Variants in PTPRD observed in about 807,000 individuals in gnomAD.
PTPRD encodes the protein protein tyrosine phosphatase receptor type D.
In PTPRD, 34 loss-of-function variants were observed where a neutral mutation model predicts 214.5. The observed-to-expected ratio is 0.16, with a 90% CI of 0.12 to 0.21. PTPRD has a LOEUF of 0.21. Among genes scored for constraint, PTPRD ranks in the 10% least tolerant of loss-of-function variants. The probability of loss-of-function intolerance (pLI) is 1.00; values close to 1 mark genes in which losing one functional copy is unlikely to be tolerated. For missense variants in PTPRD, 2,545 were observed against 2,398.7 expected (o/e 1.06, Z -1.27); for synonymous variants, 1,128 against 845.7 (o/e 1.33, Z -5.79).
chr9:8,763,540 T>A (rs892060138), intron 11 of PTPRD, among the ~76,000 whole-genome samples: 2 of 151,466 alleles, frequency 1.3e-5, no homozygotes, highest in African/African-American at 4.8e-5. Flanking sequence ...AATTATGTAT[T>A]AATATAACAT....
At chr9:9,407,383 G>A (rs2073869888) in intron 8 of PTPRD, among the ~76,000 whole-genome samples, 1 of 151,578 alleles carries the variant, frequency 6.6e-6, no homozygotes, top group East Asian at 1.9e-4. Context: ...TATAAATAAT[G>A]GTTCTATAAA....
chr9:9,634,450 T>G (rs2095689941), intron 7 of PTPRD, among the ~76,000 whole-genome samples: 1 of 152,154 alleles, frequency 6.6e-6, no homozygotes. Flanking sequence ...AAATATAATT[T>G]ATACAATCCA....
At chr9:9,958,436 C>T (rs1053041738) in intron 4 of PTPRD, among the ~76,000 whole-genome samples, 2 of 152,124 alleles carry the variant, frequency 1.3e-5, no homozygotes, top group African/African-American at 4.8e-5. Flanking sequence ...GAGACTGAGG[C>T]AGGAGAATTG....
At chr9:8,568,925 G>A (rs1224737040) in intron 14 of PTPRD, among the ~76,000 whole-genome samples, 1 of 151,618 alleles carries the variant, frequency 6.6e-6, no homozygotes, top group East Asian at 1.9e-4. Context: ...CAAATCTAAT[G>A]CTTCATATGC....
At chr9:10,365,530 T>C (rs1480983185) in intron 2 of PTPRD, among the ~76,000 whole-genome samples, 1 of 152,206 alleles carries the variant, frequency 6.6e-6, no homozygotes. Flanking sequence ...TATTTTCCTA[T>C]TTCCTCAAGT....
chr9:8,813,636 G>C (rs1343296112), intron 11 of PTPRD, among the ~76,000 whole-genome samples: 1 of 152,188 alleles, frequency 6.6e-6, no homozygotes, highest in Non-Finnish European at 1.5e-5. Context: ...GCCTCCTGCA[G>C]TGCTGGGATT....
chr9:8,881,605 G>A (rs2098446831), intron 11 of PTPRD, among the ~76,000 whole-genome samples: 2 of 152,122 alleles, frequency 1.3e-5, no homozygotes, highest in South Asian at 2.1e-4. Context: ...ATAATTCAAC[G>A]TACGTGTTTT....
At chr9:9,676,758 C>G (rs965169123) in intron 7 of PTPRD, among the ~76,000 whole-genome samples, 12 of 152,088 alleles carry the variant, frequency 7.9e-5, no homozygotes, top group African/African-American at 2.9e-4. Context: ...TAAAAGTGTT[C>G]CTATTTCTCC....
chr9:9,500,289 G>C (rs570578694), intron 8 of PTPRD, among the ~76,000 whole-genome samples: 1 of 152,196 alleles, frequency 6.6e-6, no homozygotes, highest in East Asian at 1.9e-4. Context: ...CAATAAAGTA[G>C]CACACAACAT....
intron 8 of PTPRD, among the ~76,000 whole-genome samples, chr9:9,506,205 T>A (rs1005465485): frequency 1.3e-5 from 2 of 151,438 alleles, no homozygotes; most frequent in African/African-American, 4.8e-5. Flanking sequence ...GCAACCTATA[T>A]AACTGTCTCC....
chr9:9,834,236 C>G (rs1340084947), intron 5 of PTPRD, among the ~76,000 whole-genome samples: 5 of 152,060 alleles, frequency 3.3e-5, no homozygotes, highest in African/African-American at 9.7e-5. Flanking sequence ...CTTCCCACAA[C>G]AGGGTTCTAA....
At chr9:9,642,460 T>C (rs2095999566) in intron 7 of PTPRD, among the ~76,000 whole-genome samples, 1 of 152,212 alleles carries the variant, frequency 6.6e-6, no homozygotes, top group East Asian at 1.9e-4. Flanking sequence ...GAATGCATAC[T>C]TTCACCTAGA....
intron 5 of PTPRD, among the ~76,000 whole-genome samples, chr9:9,804,045 G>A (rs2099058252): frequency 6.6e-6 from 1 of 152,044 alleles, no homozygotes. Context: ...TATCAGAAAT[G>A]TAGTGTGTGA....
At chr9:9,050,295 T>C (rs2099682368) in intron 10 of PTPRD, among the ~76,000 whole-genome samples, 1 of 152,184 alleles carries the variant, frequency 6.6e-6, no homozygotes, top group African/African-American at 2.4e-5. Context: ...AAGTATGCAA[T>C]GCAATGAAGG....
chr9:9,019,952 G>C (rs1589915744), intron 10 of PTPRD, among the ~76,000 whole-genome samples: 1 of 152,226 alleles, frequency 6.6e-6, no homozygotes, highest in East Asian at 1.9e-4. Context: ...GCTGAGGCAA[G>C]TGGAGACATT....
intron 14 of PTPRD, among the ~76,000 whole-genome samples, chr9:8,542,680 G>C (rs1269455793): frequency 6.6e-6 from 1 of 152,242 alleles, no homozygotes; most frequent in Admixed American, 6.5e-5. Flanking sequence ...GTGTCTGTCA[G>C]TTGAACACTG....
intron 12 of PTPRD, among the ~76,000 whole-genome samples, chr9:8,655,739 CTTT>C (rs150786854): frequency 1.4e-5 from 2 of 143,120 alleles, no homozygotes; most frequent in South Asian, 4.4e-4. Context: ...TTCCCACTTG[CTTT>C]TTTTTTTTTT....
At chr9:9,499,823 G>C (rs1426476936) in intron 8 of PTPRD, among the ~76,000 whole-genome samples, 1 of 151,984 alleles carries the variant, frequency 6.6e-6, no homozygotes, top group Admixed American at 6.6e-5. Context: ...ATTTGACACT[G>C]TCTCATAAAT....
intron 3 of PTPRD, among the ~76,000 whole-genome samples, chr9:10,268,415 A>C (rs2154380930): frequency 6.6e-6 from 1 of 152,064 alleles, no homozygotes; most frequent in South Asian, 2.1e-4. Context: ...TTATACTAAT[A>C]GTTTTCTTAG....
Sources: gnomAD v4.1 joint callset for allele counts (sites outside exome capture counted in the v4.1 genomes callset) on GRCh38, gnomAD v4.1.1 for gene constraint, MANE v1.5 for transcripts, NCBI Gene and HGNC (gene_info 2026-07-23, HGNC 2026-07-21) for gene names.